KLHL4: variants seen among roughly 807,000 people sequenced by gnomAD.
KLHL4 encodes kelch-like protein 4.
A neutral mutation model predicts 45.8 loss-of-function variants in KLHL4; 17 were observed. The observed-to-expected ratio is 0.37, with a 90% confidence interval of 0.25 to 0.56. KLHL4 has a LOEUF of 0.56. Ranked by LOEUF, KLHL4 falls within the 20% of genes least tolerant of loss-of-function variation. KLHL4 has a pLI of 0.79. For synonymous variants in KLHL4, 224 were observed against 189.9 expected (o/e 1.18, Z -1.47); for missense variants, 544 against 544.9 (o/e 1.00, Z 0.02).
intron 1 of KLHL4, among the ~76,000 whole-genome samples, chrX:87,525,548 T>C (rs1422781424): frequency 9.0e-6 from 1 of 111,376 alleles, no homozygotes; most frequent in East Asian, 2.8e-4. Context: ...AGAAATAAGA[T>C]TTTACAAGTA....
intron 1 of KLHL4, among the ~76,000 whole-genome samples, chrX:87,569,509 T>C (rs867234688): frequency 9.9e-5 from 11 of 111,468 alleles, no homozygotes; most frequent in African/African-American, 3.3e-4. Context: ...CAAACAGTAA[T>C]GTGTACAGGA....
rs1932174582 is a variant in KLHL4 at position 87,564,860 on chromosome X, A to G, written c.422+46545A>G. On this transcript the variant is annotated intron_variant, in intron 1 of 10. Coordinates refer to ENST00000373119, the MANE Select transcript of KLHL4 (RefSeq NM_019117.5). ...AGTCTCCATCCAACAACAGGAGATTACACATTCTTCTGAAGTGCACATGGA... is the reference window on the plus strand; with the variant it reads ...AGTCTCCATCCAACAACAGGAGATTGCACATTCTTCTGAAGTGCACATGGA... Among the ~76,000 whole-genome samples the G allele has an allele frequency of 2.7e-5, 3 of 112,060 alleles. No individual in the cohort carries two copies. In the South Asian group the frequency reaches 1.1e-3, roughly 41 times the overall value.
chrX:87,626,981 G>A (rs191215341), intron 6 of KLHL4, among the ~76,000 whole-genome samples: 4 of 111,887 alleles, frequency 3.6e-5, no homozygotes, highest in African/African-American at 1.3e-4. Context: ...GGAATGTGGG[G>A]GCTTTAAAGA....
rs151126933 is a variant in KLHL4, at chrX:87,543,447, G to T, written c.422+25132G>T. Among the ~76,000 whole-genome samples the T allele has an allele frequency of 1.6e-4, 18 of 111,497 alleles. No homozygotes were observed. In the East Asian group the frequency reaches 5.2e-3, roughly 32 times the overall value. On this transcript the variant is annotated intron_variant, in intron 1 of 10. Transcript: ENST00000373119. ...TGCTTTTAACTTCATGTACATGAAA[G>T]AGGCACTGAAGGCATGGAAAACAAA...
At position 87,622,403 on chromosome X, in the gene KLHL4, C is replaced by G. The variant is rs774442578; in HGVS notation, c.1117C>G (p.Leu373Val). 1.7e-6 allele frequency: 2 copies of G among 1,199,143 alleles called. No individual in the cohort carries two copies. Among genetic ancestry groups the G allele is most frequent in the Admixed American group, 2.2e-5 (1 of 45,646 alleles). Residue 373 changes from leucine to valine, a missense_variant, in exon 5 of 11, where the codon CTG (leucine) becomes GTG (valine). Physicochemically the swap from Leu to Val is conservative, Grantham distance 32 (BLOSUM62 1). Coordinates refer to ENST00000373119, the MANE Select transcript of KLHL4 (RefSeq NM_019117.5). ...ELGMLLSYIR[L>V]PLLPPQLLAD... ...GGGGATGCTGCTTTCTTACATCAGA[C>G]TGCCATTACTCCCACCACAGGTATG...
At chrX:87,607,353 T>G (rs996505616) in intron 1 of KLHL4, among the ~76,000 whole-genome samples, 1 of 111,140 alleles carries the variant, frequency 9.0e-6, no homozygotes, top group Non-Finnish European at 1.9e-5. Flanking sequence ...AAGTCTCTGG[T>G]CACTTCCTCC....
chrX:87,645,933 C>A (rs1923616198), intron 9 of KLHL4, among the ~76,000 whole-genome samples: 1 of 110,981 alleles, frequency 9.0e-6, no homozygotes, highest in African/African-American at 3.3e-5. Flanking sequence ...GGATAAAAGA[C>A]TACAAATATG....
intron 1 of KLHL4, among the ~76,000 whole-genome samples, chrX:87,557,903 T>C (rs1932013989): frequency 9.0e-6 from 1 of 111,458 alleles, no homozygotes; most frequent in Non-Finnish European, 1.9e-5. Flanking sequence ...GCTCTGGGCA[T>C]GTGGAGCCAT....
In KLHL4 at chrX:87,614,415, A is replaced by G. The variant is rs1253109033; in HGVS notation, c.591-19A>G. 1 of 1,198,955 alleles carries G rather than the reference A, an allele frequency of 8.3e-7. No homozygotes were observed. Among genetic ancestry groups the G allele is most frequent in the Admixed American group, 2.2e-5 (1 of 45,296 alleles). On this transcript the variant is annotated intron_variant, in intron 2 of 10. Transcript: ENST00000373119. ...ATTATTGACTCATTTAAATTCCTACAAATATTTCCTATTTCCAGGTTGGTT... is the reference window on the plus strand; with the variant it reads ...ATTATTGACTCATTTAAATTCCTACGAATATTTCCTATTTCCAGGTTGGTT...
chrX:87,533,521 A>G (rs1395484116), intron 1 of KLHL4, among the ~76,000 whole-genome samples: 1 of 95,432 alleles, frequency 1.0e-5, no homozygotes, highest in Non-Finnish European at 2.1e-5. Context: ...ACATGGTCAC[A>G]GGAAGGGGAA....
chrX:87,615,014 A>C (rs1006692564), intron 3 of KLHL4, among the ~76,000 whole-genome samples: 4 of 111,243 alleles, frequency 3.6e-5, no homozygotes, highest in Non-Finnish European at 7.6e-5. Flanking sequence ...TAAAGGTAAC[A>C]ATGAATTTGG....
intron 8 of KLHL4, among the ~76,000 whole-genome samples, chrX:87,634,778 C>T (rs914815694): frequency 1.8e-5 from 2 of 111,538 alleles, no homozygotes; most frequent in Non-Finnish European, 3.8e-5. Context: ...CGTGGCCTCA[C>T]CTGAATAATG....
chrX:87,623,665 T>TATCC (rs776681061), intron 5 of KLHL4, among the ~76,000 whole-genome samples: 46 of 111,494 alleles, frequency 4.1e-4, no homozygotes, highest in African/African-American at 1.4e-3. Flanking sequence ...CTTAAGAATC[T>TATCC]ATCCATATGC....
intron 1 of KLHL4, among the ~76,000 whole-genome samples, chrX:87,610,249 GA>G (rs1922327962): frequency 8.9e-6 from 1 of 111,984 alleles, no homozygotes; most frequent in South Asian, 3.7e-4. Context: ...AAGTGCATGA[GA>G]ATCAGAGTTT....
chrX:87,638,715 C>T (rs1006529566), intron 9 of KLHL4, among the ~76,000 whole-genome samples: 4 of 111,463 alleles, frequency 3.6e-5, no homozygotes, highest in Non-Finnish European at 7.5e-5. Context: ...AAGAAATCCT[C>T]ACAATACAGA....
chrX:87,595,498 T>C (rs1002571495), intron 1 of KLHL4, among the ~76,000 whole-genome samples: 2 of 111,897 alleles, frequency 1.8e-5, no homozygotes, highest in Non-Finnish European at 3.8e-5. Context: ...CATTGCTTTC[T>C]ATATTCTTAA....
chrX:87,665,495 G>A (rs1174691759), intron 10 of KLHL4, among the ~76,000 whole-genome samples: 2 of 111,071 alleles, frequency 1.8e-5, no homozygotes, highest in Admixed American at 1.9e-4. Flanking sequence ...AAAGTGCTGG[G>A]CATCTATTAG....
At chrX:87,569,100 T>G (rs1932280307) in intron 1 of KLHL4, among the ~76,000 whole-genome samples, 1 of 111,265 alleles carries the variant, frequency 9.0e-6, no homozygotes, top group African/African-American at 3.3e-5. Context: ...GTCTGGAATA[T>G]ATAAAGAACA....
Position 87,622,387 on chromosome X carries a change from G to A in KLHL4, c.1101G>A (p.Leu367=). ...VQNRQGELGM[L]LSYIRLPLLP... ...ATAGGCAAGGAGAACTGGGGATGCT[G>A]CTTTCTTACATCAGACTGCCATTAC... Residue 367 remains leucine (L), a synonymous_variant, in exon 5 of 11, where the codon CTG becomes CTA. Transcript: ENST00000373119. 2 of 1,204,906 alleles carry A rather than the reference G, an allele frequency of 1.7e-6. No homozygotes were observed. Among genetic ancestry groups the A allele is most frequent in the South Asian group, 1.8e-5 (1 of 55,929 alleles).
Sources: gnomAD v4.1 joint callset for allele counts (sites outside exome capture counted in the v4.1 genomes callset) on GRCh38, gnomAD v4.1.1 for gene constraint, MANE v1.5 for transcripts, NCBI Gene and HGNC (gene_info 2026-07-23, HGNC 2026-07-21) for gene names.